Variants in FAM184A observed in about 807,000 individuals in gnomAD.
The protein encoded by FAM184A is protein FAM184A.
Under a neutral mutation model 143.8 loss-of-function variants are expected in FAM184A, and 99 were observed. The observed-to-expected ratio is 0.69, with a 90% CI of 0.58 to 0.81. The LOEUF (loss-of-function observed/expected upper bound fraction) is 0.81, where lower values mean the gene tolerates loss of function less well. FAM184A is among the 40% of genes least tolerant of loss of function. The pLI is 0.00. For synonymous variants in FAM184A, 427 were observed against 446.4 expected (o/e 0.96, Z 0.55); for missense variants, 1,217 against 1,310.5 (o/e 0.93, Z 1.10).
At chr6:119,048,048 C>T (rs1251491586) in intron 1 of FAM184A, among the ~76,000 whole-genome samples, 1 of 152,202 alleles carries the variant, frequency 6.6e-6, no homozygotes, top group African/African-American at 2.4e-5. Context: ...AAGTAGTCTT[C>T]ATCTCCGGGA....
At chr6:119,085,184 T>C (rs1788185122) in intron 1 of FAM184A, among the ~76,000 whole-genome samples, 1 of 152,244 alleles carries the variant, frequency 6.6e-6, no homozygotes, top group South Asian at 2.1e-4. Context: ...TTTCCAAAGT[T>C]TTATGCTCTG....
At chr6:119,022,685 G>A (rs2114686839) in intron 3 of FAM184A, among the ~76,000 whole-genome samples, 1 of 152,076 alleles carries the variant, frequency 6.6e-6, no homozygotes, top group East Asian at 1.9e-4. Flanking sequence ...GACCAGCCTG[G>A]GCAACACGGT....
chr6:119,086,400 G>C (rs1788223657), intron 1 of FAM184A, among the ~76,000 whole-genome samples: 2 of 152,168 alleles, frequency 1.3e-5, no homozygotes, highest in Admixed American at 1.3e-4. Context: ...AACTCCAAAA[G>C]AGTCGCTTAA....
At position 119,003,489 on chromosome 6, in the gene FAM184A, T is replaced by G. The variant is rs879131154; in HGVS notation, c.1937+12A>C. 1 of 1,609,560 alleles carries G rather than the reference T, an allele frequency of 6.2e-7. No homozygotes were observed. The highest frequency in any genetic ancestry group is 1.3e-5 in the African/African-American group (1 of 74,720). ...TGTCTTTATTGATAAGATTACAGAATAAAAAATGTACCTAAGATTTTCAGT... is the reference window on the plus strand; with the variant it reads ...TGTCTTTATTGATAAGATTACAGAAGAAAAAATGTACCTAAGATTTTCAGT... On this transcript the variant is annotated intron_variant, in intron 8 of 17. Coordinates refer to ENST00000338891, the MANE Select transcript of FAM184A (RefSeq NM_024581.6).
intron 9 of FAM184A, among the ~76,000 whole-genome samples, chr6:118,994,290 C>T (rs904927425): frequency 2.6e-5 from 4 of 151,868 alleles, no homozygotes; most frequent in African/African-American, 9.7e-5. Context: ...AAAGAACATG[C>T]AAAAGTAATT....
intron 1 of FAM184A, among the ~76,000 whole-genome samples, chr6:119,075,683 C>G (rs1787847378): frequency 6.6e-6 from 1 of 152,160 alleles, no homozygotes; most frequent in Non-Finnish European, 1.5e-5. Flanking sequence ...CAAGTTCCAA[C>G]CATAGTTGGA....
chr6:119,138,102 G>A (rs1165911519), intron 1 of FAM184A, among the ~76,000 whole-genome samples: 1 of 152,178 alleles, frequency 6.6e-6, no homozygotes, highest in Non-Finnish European at 1.5e-5. Context: ...GCTAGGTATT[G>A]AGAAGTCAGT....
chr6:119,018,561 G>T (rs1785341744), intron 4 of FAM184A, among the ~76,000 whole-genome samples: 1 of 152,100 alleles, frequency 6.6e-6, no homozygotes, highest in African/African-American at 2.4e-5. Context: ...ATAATGAGAT[G>T]GGGTCTTTTA....
At chr6:119,080,516 C>A (rs532009670), upstream of FAM184A, among the ~76,000 whole-genome samples, 1 of 152,150 alleles carries the variant, frequency 6.6e-6, no homozygotes, top group Non-Finnish European at 1.5e-5. Context: ...TAAAACAAGA[C>A]ACAATTAAAG....
intron 9 of FAM184A, among the ~76,000 whole-genome samples, chr6:118,996,620 C>T (rs1006658852): frequency 1.1e-4 from 16 of 152,272 alleles, no homozygotes; most frequent in African/African-American, 3.6e-4. Context: ...GCTTTCCTGA[C>T]GGCTAGAGAG....
intron 1 of FAM184A, among the ~76,000 whole-genome samples, chr6:119,049,720 C>T (rs1223891078): frequency 6.6e-6 from 1 of 152,156 alleles, no homozygotes; most frequent in African/African-American, 2.4e-5. Flanking sequence ...AAACCCAAAA[C>T]TATAAAAACT....
chr6:119,087,499 T>C (rs1396589343), intron 1 of FAM184A, among the ~76,000 whole-genome samples: 1 of 152,088 alleles, frequency 6.6e-6, no homozygotes, highest in Non-Finnish European at 1.5e-5. Context: ...GGTCAAAACA[T>C]CACTAATTAT....
At chr6:119,110,601 C>T (rs1428738736) in intron 1 of FAM184A, among the ~76,000 whole-genome samples, 1 of 152,110 alleles carries the variant, frequency 6.6e-6, no homozygotes, top group Non-Finnish European at 1.5e-5. Flanking sequence ...GAGGCCGTTC[C>T]TCATGAATGA....
chr6:118,985,187 A>G (rs780759980), intron 9 of FAM184A, among the ~76,000 whole-genome samples: 44 of 152,352 alleles, frequency 2.9e-4, no homozygotes, highest in Admixed American at 1.8e-3. Flanking sequence ...AATGCTGGCT[A>G]TGCCTTATAT....
intron 9 of FAM184A, among the ~76,000 whole-genome samples, chr6:119,002,223 C>G (rs1784783144): frequency 6.6e-6 from 1 of 152,118 alleles, no homozygotes. Flanking sequence ...TGTCTAAGTT[C>G]TGCACTTGCT....
At chr6:118,995,553 T>C (rs1215520692) in intron 9 of FAM184A, among the ~76,000 whole-genome samples, 1 of 152,224 alleles carries the variant, frequency 6.6e-6, no homozygotes, top group Non-Finnish European at 1.5e-5. Context: ...CAAATTAAGA[T>C]ACAGAAGTGG....
At chr6:119,085,816 C>T (rs1788204262) in intron 1 of FAM184A, among the ~76,000 whole-genome samples, 1 of 152,168 alleles carries the variant, frequency 6.6e-6, no homozygotes, top group African/African-American at 2.4e-5. Context: ...AACTTGCAAT[C>T]ATGGAGGAGG....
At chr6:119,010,176 T>C (rs1785047575) in intron 6 of FAM184A, among the ~76,000 whole-genome samples, 2 of 152,222 alleles carry the variant, frequency 1.3e-5, no homozygotes, top group Non-Finnish European at 1.5e-5. Context: ...AGTTTTTCTA[T>C]ACTTCTTCTA....
At chr6:119,066,720 T>G (rs1787465163) in intron 1 of FAM184A, among the ~76,000 whole-genome samples, 1 of 152,210 alleles carries the variant, frequency 6.6e-6, no homozygotes. Flanking sequence ...AACTCCCTCA[T>G]GATCACAGTA....
Sources: gnomAD v4.1 joint callset for allele counts (sites outside exome capture counted in the v4.1 genomes callset) on GRCh38, gnomAD v4.1.1 for gene constraint, MANE v1.5 for transcripts, NCBI Gene and HGNC (gene_info 2026-07-23, HGNC 2026-07-21) for gene names.